Variants in XNDC1N observed in about 807,000 individuals in gnomAD.
The protein encoded by XNDC1N is XRCC1 N-terminal domain containing 1, N-terminal like.
the XNDC1N span, among the ~76,000 whole-genome samples, chr11:71,877,893 A>G: frequency 1.3e-5 from 2 of 152,244 alleles, no homozygotes; most frequent in Admixed American, 1.3e-4. Flanking sequence ...AACTGATGTG[A>G]AAACAATTTG....
At chr11:71,887,614 C>T in the XNDC1N span, among the ~76,000 whole-genome samples, 1 of 152,174 alleles carries the variant, frequency 6.6e-6, no homozygotes, top group Admixed American at 6.5e-5. Flanking sequence ...AGGGGCCGGT[C>T]CCCAGAGAAG....
the XNDC1N span, chr11:71,917,336 G>A: frequency 1.6e-6 from 1 of 629,326 alleles, no homozygotes. Context: ...TAATCAATAA[G>A]TGTGTGTGTT....
the XNDC1N span, among the ~76,000 whole-genome samples, chr11:71,885,856 C>T: frequency 6.6e-6 from 1 of 151,708 alleles, no homozygotes. Context: ...TAATATCAGG[C>T]ATCATTAATC....
the XNDC1N span, among the ~76,000 whole-genome samples, chr11:71,888,169 A>T: frequency 6.6e-6 from 1 of 151,988 alleles, no homozygotes; most frequent in Non-Finnish European, 1.5e-5. Context: ...AGGACTGTGG[A>T]TAGAAGTGTC....
chr11:71,918,801 A>T, the XNDC1N span: 1 of 667,480 alleles, frequency 1.5e-6, no homozygotes, highest in Non-Finnish European at 2.7e-6. Flanking sequence ...AGCCAGAATG[A>T]ACTGAGACAT....
chr11:71,893,917 T>C, the XNDC1N span: 3 of 1,048,198 alleles, frequency 2.9e-6, no homozygotes, highest in Non-Finnish European at 3.9e-6. Context: ...GGTGTCCTTT[T>C]TCCTTAGCCT....
chr11:71,877,270 C>A, the XNDC1N span, among the ~76,000 whole-genome samples: 2 of 149,928 alleles, frequency 1.3e-5, no homozygotes, highest in Non-Finnish European at 2.9e-5. Context: ...TTTACTTCAC[C>A]TGTAGTGAAA....
chr11:71,874,212 C>T, the XNDC1N span, among the ~76,000 whole-genome samples: 6 of 152,154 alleles, frequency 3.9e-5, no homozygotes, highest in Admixed American at 6.5e-5. Flanking sequence ...CCCAGTTACT[C>T]GGGAGGCTGA....
the XNDC1N span, among the ~76,000 whole-genome samples, chr11:71,891,024 C>T: frequency 6.6e-6 from 1 of 151,928 alleles, no homozygotes; most frequent in African/African-American, 2.4e-5. Flanking sequence ...TTCCTCTCTT[C>T]CCCTGGACAT....
At chr11:71,884,312 C>G in the XNDC1N span, 3 of 1,338,820 alleles carry the variant, frequency 2.2e-6, no homozygotes, top group African/African-American at 4.5e-5. Flanking sequence ...TGGGAAAGTT[C>G]TGTAATGCTT....
the XNDC1N span, chr11:71,903,175 G>A: frequency 4.3e-6 from 3 of 699,664 alleles, no homozygotes; most frequent in Non-Finnish European, 7.9e-6. Flanking sequence ...GCAAAAGAGG[G>A]TTGTATCCAA....
chr11:71,917,620 C>T, the XNDC1N span: 2 of 703,674 alleles, frequency 2.8e-6, no homozygotes, highest in Non-Finnish European at 5.2e-6. Context: ...GCCCTCTTTA[C>T]CATCTTTAAA....
chr11:71,887,123 C>T, the XNDC1N span, among the ~76,000 whole-genome samples: 78 of 152,340 alleles, frequency 5.1e-4, 1 homozygote, highest in South Asian at 0.016. Context: ...CCTCTGGTCA[C>T]AATGACAGTC....
At chr11:71,876,267 C>T in the XNDC1N span, among the ~76,000 whole-genome samples, 1 of 152,148 alleles carries the variant, frequency 6.6e-6, no homozygotes, top group Non-Finnish European at 1.5e-5. Context: ...CTTCATTCTT[C>T]TTCTACTGTG....
At chr11:71,892,829 T>C in the XNDC1N span, among the ~76,000 whole-genome samples, 2 of 152,132 alleles carry the variant, frequency 1.3e-5, no homozygotes, top group Non-Finnish European at 2.9e-5. Context: ...CCAAAAGTTA[T>C]AGATTCAATT....
chr11:71,871,505 G>A, the XNDC1N span, among the ~76,000 whole-genome samples: 1 of 152,064 alleles, frequency 6.6e-6, no homozygotes, highest in South Asian at 2.1e-4. Context: ...TTTTGAAATT[G>A]CCAAAAGAAT....
the XNDC1N span, among the ~76,000 whole-genome samples, chr11:71,885,058 C>T: frequency 6.6e-6 from 1 of 152,152 alleles, no homozygotes; most frequent in Non-Finnish European, 1.5e-5. Flanking sequence ...ATATCATCTC[C>T]CGCTCTGGAG....
chr11:71,920,127 T>C, the XNDC1N span, among the ~76,000 whole-genome samples: 1 of 147,140 alleles, frequency 6.8e-6, no homozygotes, highest in East Asian at 2.0e-4. Flanking sequence ...CCAGCTAATT[T>C]TTTTTGTATT....
the XNDC1N span, among the ~76,000 whole-genome samples, chr11:71,900,259 G>A: frequency 3.7e-3 from 556 of 152,314 alleles, 2 homozygotes; most frequent in African/African-American, 0.012. Context: ...TATGCTGAGC[G>A]CCGGTCCCCT....
Sources: gnomAD v4.1 joint callset for allele counts (sites outside exome capture counted in the v4.1 genomes callset) on GRCh38, gnomAD v4.1.1 for gene constraint, MANE v1.5 for transcripts, NCBI Gene and HGNC (gene_info 2026-07-23, HGNC 2026-07-21) for gene names.